The following JAKMIP3 variants were observed in gnomAD, a reference collection of about 807,000 sequenced individuals.
JAKMIP3 encodes the protein Janus kinase and microtubule interacting protein 3, also known as janus kinase and microtubule-interacting protein 3.
JAKMIP3 carries 58 observed loss-of-function variants against 118.5 expected under a neutral mutation model. The ratio of observed to expected loss-of-function variants is 0.49; its 90% CI spans 0.40 to 0.61. JAKMIP3 has a LOEUF of 0.61. Among genes scored for constraint, JAKMIP3 ranks in the 20% least tolerant of loss-of-function variants. The pLI is 0.00. For synonymous variants in JAKMIP3, 486 were observed against 451.2 expected, an observed-to-expected ratio of 1.08 and a Z score of -0.98; for missense variants, 950 against 1,109.0, an observed-to-expected ratio of 0.86 and a Z score of 2.04.
rs573647622 is a variant in JAKMIP3, at chr10:132,051,523, C to G, written c.-138+14785C>G. 8.7e-4 allele frequency among the ~76,000 whole-genome samples: 133 copies of G among 152,248 alleles called. No individual in the cohort carries two copies. In the South Asian group the frequency reaches 9.5e-3, roughly 11 times the overall value. ...TTACATCTGTTGGACATTTGTACAC[C>G]TACTTTTGTGAAGTGCCTGTTGGAT... On this transcript the variant is annotated intron_variant, in intron 1 of 23. Coordinates refer to the JAKMIP3 transcript ENST00000657785.
At chr10:132,104,283 C>T (rs551850693) in intron 1 of JAKMIP3, among the ~76,000 whole-genome samples, 2 of 152,320 alleles carry the variant, frequency 1.3e-5, no homozygotes, top group East Asian at 3.9e-4. Flanking sequence ...CGGGGTCCCT[C>T]TGCCGTCTGA....
At chr10:132,160,509 C>G (rs1589992535) in intron 19 of JAKMIP3, among the ~76,000 whole-genome samples, 1 of 32,280 alleles carries the variant, frequency 3.1e-5, no homozygotes, top group Non-Finnish European at 5.3e-5. Flanking sequence ...GGGGCCTCTC[C>G]CTGTGTGATG....
At chr10:132,123,114 GT>G (rs1470887182) in intron 3 of JAKMIP3, among the ~76,000 whole-genome samples, 6 of 152,216 alleles carry the variant, frequency 3.9e-5, no homozygotes, top group Non-Finnish European at 4.4e-5. Flanking sequence ...TTCTGCTAAA[GT>G]CAGACGTGGA....
At chr10:132,116,159 C>T (rs948641043) in intron 2 of JAKMIP3, among the ~76,000 whole-genome samples, 4 of 152,318 alleles carry the variant, frequency 2.6e-5, no homozygotes, top group South Asian at 4.1e-4. Flanking sequence ...ACTTCTGGAA[C>T]GTATTTTTGA....
At chr10:132,077,336 C>G (rs2040989058) in intron 1 of JAKMIP3, among the ~76,000 whole-genome samples, 1 of 152,164 alleles carries the variant, frequency 6.6e-6, no homozygotes, top group Non-Finnish European at 1.5e-5. Flanking sequence ...TTCCCGTCTT[C>G]TGCTCTCTCT....
chr10:132,046,115 C>T (rs1237225111), intron 1 of JAKMIP3, among the ~76,000 whole-genome samples: 1 of 152,104 alleles, frequency 6.6e-6, no homozygotes, highest in Non-Finnish European at 1.5e-5. Context: ...AGCTTCCACG[C>T]TCCCACCACA....
chr10:132,149,330 G>A (rs1024567828), intron 14 of JAKMIP3, 82 bp from the exon 15 acceptor site: 21 of 897,600 alleles, frequency 2.3e-5, no homozygotes, highest in South Asian at 4.8e-5. Flanking sequence ...GTCTTGGCCC[G>A]TGTTCCTCAG....
intron 1 of JAKMIP3, among the ~76,000 whole-genome samples, chr10:132,096,989 C>T (rs187463441): frequency 3.3e-5 from 5 of 152,310 alleles, no homozygotes; most frequent in East Asian, 3.9e-4. Flanking sequence ...AGACATTTCC[C>T]GACATGGATG....
chr10:132,140,325 CAG>C, intron 9 of JAKMIP3, 124 bp from the exon 10 acceptor site: 2 of 1,380,972 alleles, frequency 1.4e-6, no homozygotes, highest in Non-Finnish European at 2.0e-6. Flanking sequence ...GTGCCAGGGA[CAG>C]AGATGGGAGT....
At chr10:132,150,389 G>A (rs949240776) in intron 16 of JAKMIP3, among the ~76,000 whole-genome samples, 1 of 152,156 alleles carries the variant, frequency 6.6e-6, no homozygotes, top group Non-Finnish European at 1.5e-5. Context: ...CTTGGCTTGG[G>A]GGAAAAGCAG....
chr10:132,057,046 T>C (rs1044660958), intron 1 of JAKMIP3, among the ~76,000 whole-genome samples: 15 of 152,084 alleles, frequency 9.9e-5, no homozygotes, highest in African/African-American at 3.4e-4. Context: ...ATCCCACCAG[T>C]GCTCATCCCA....
intron 1 of JAKMIP3, among the ~76,000 whole-genome samples, chr10:132,042,184 CTCCTTCCT>C (rs58374693): frequency 9.0e-4 from 119 of 132,194 alleles, no homozygotes; most frequent in Middle Eastern, 3.7e-3. Context: ...TGCTCGCTCG[CTCCTTCCT>C]TCCTTCCTTC....
intron 1 of JAKMIP3, among the ~76,000 whole-genome samples, chr10:132,036,804 C>T (rs1028703283): frequency 4.0e-5 from 6 of 151,538 alleles, no homozygotes; most frequent in Non-Finnish European, 7.4e-5. Flanking sequence ...TGGCACGGTG[C>T]GTCCGGGACG....
chr10:132,079,720 C>G (rs2041465238), intron 1 of JAKMIP3, among the ~76,000 whole-genome samples: 1 of 152,214 alleles, frequency 6.6e-6, no homozygotes. Flanking sequence ...AACTGAAACT[C>G]TGTCCCCATT....
In JAKMIP3 at chr10:132,123,955, T is replaced by C. The variant is rs533563770; in HGVS notation, c.633+6381T>C. On this transcript the variant is annotated intron_variant, in intron 3 of 23. Coordinates refer to ENST00000684848, the MANE Select transcript of JAKMIP3 (RefSeq NM_001323087.2). Reference sequence around the variant, plus strand: ...CAGAGACACCTGCTGGGGACGAGTTTGGGAATATTGAGAGCCTTTAGAGTC... The same window carrying C: ...CAGAGACACCTGCTGGGGACGAGTTCGGGAATATTGAGAGCCTTTAGAGTC... Among the ~76,000 whole-genome samples the C allele has an allele frequency of 3.0e-3, 457 of 152,276 alleles. 1 individual carries two copies. The highest frequency in any genetic ancestry group is 5.2e-3 in the Non-Finnish European group (351 of 68,016).
At chr10:132,171,942 C>T (rs1156980974) in intron 23 of JAKMIP3, among the ~76,000 whole-genome samples, 1 of 152,110 alleles carries the variant, frequency 6.6e-6, no homozygotes, top group East Asian at 1.9e-4. Context: ...GCATGAGCCC[C>T]TGCGCCCGGC....
intron 9 of JAKMIP3, 38 bp from the exon 10 acceptor site, chr10:132,140,413 G>A (rs1478051060): frequency 6.2e-7 from 1 of 1,612,034 alleles, no homozygotes; most frequent in Non-Finnish European, 8.5e-7. Flanking sequence ...CTGTGCCTGG[G>A]TCTGGTTTGA....
intron 23 of JAKMIP3, among the ~76,000 whole-genome samples, chr10:132,169,338 C>T (rs1000279990): frequency 3.3e-5 from 5 of 152,156 alleles, no homozygotes; most frequent in African/African-American, 1.2e-4. Flanking sequence ...AGGGAGAAAC[C>T]CCGTAGGTGC....
At position 132,127,956 on chromosome 10, in the gene JAKMIP3, A is replaced by G. The variant is rs150092381; in HGVS notation, c.634-5356A>G. 2.0e-3 allele frequency among the ~76,000 whole-genome samples: 307 copies of G among 152,336 alleles called. 2 individuals are homozygous for G. The highest frequency in any genetic ancestry group is 7.0e-3 in the African/African-American group (291 of 41,586). The stretch of plus-strand genomic sequence containing the variant: ...ATTGTCATATATTTTACTTTGACAC[A>G]TATCATAAGCCCCCAAAGAAATGGC... On this transcript the variant is annotated intron_variant, in intron 3 of 23. Coordinates refer to ENST00000684848, the MANE Select transcript of JAKMIP3 (RefSeq NM_001323087.2).
Sources: gnomAD v4.1 joint callset for allele counts (sites outside exome capture counted in the v4.1 genomes callset) on GRCh38, gnomAD v4.1.1 for gene constraint, MANE v1.5 for transcripts, NCBI Gene and HGNC (gene_info 2026-07-23, HGNC 2026-07-21) for gene names.